Variants in BLOC1S3 observed in about 807,000 individuals in gnomAD.
BLOC1S3 encodes the protein biogenesis of lysosome-related organelles complex 1 subunit 3.
BLOC1S3 carries 7 observed loss-of-function variants against 9.1 expected under a neutral mutation model. That is an observed-to-expected ratio of 0.77 (90% CI 0.44 to 1.45). The LOEUF is 1.45. Ranked by LOEUF, BLOC1S3 falls within the 40% of genes most tolerant of loss-of-function variation. BLOC1S3 has a pLI of 0.01. For synonymous variants in BLOC1S3, 145 were observed against 158.4 expected, an observed-to-expected ratio of 0.92 and a Z score of 0.64; for missense variants, 307 against 315.2, an observed-to-expected ratio of 0.97 and a Z score of 0.20.
downstream of BLOC1S3, among the ~76,000 whole-genome samples, chr19:45,182,082 G>A (rs372450959): frequency 1.5e-3 from 231 of 152,288 alleles, 1 homozygote; most frequent in African/African-American, 5.1e-3. Flanking sequence ...ACAGTAATAA[G>A]ATGTTCTCAT....
downstream of BLOC1S3, among the ~76,000 whole-genome samples, chr19:45,186,758 C>T (rs1969569007): frequency 6.6e-6 from 1 of 152,148 alleles, no homozygotes; most frequent in Non-Finnish European, 1.5e-5. Context: ...CCACCACACC[C>T]AGCCTCAACA....
At chr19:45,183,133 G>C (rs574315189), downstream of BLOC1S3, among the ~76,000 whole-genome samples, 3 of 152,162 alleles carry the variant, frequency 2.0e-5, no homozygotes, top group Admixed American at 2.0e-4. Flanking sequence ...TGTGGGGCAG[G>C]GGGGTGCTGA....
At chr19:45,192,858 G>T (rs574538852) in intron 2 of BLOC1S3, among the ~76,000 whole-genome samples, 4 of 152,178 alleles carry the variant, frequency 2.6e-5, no homozygotes, top group Non-Finnish European at 5.9e-5. Flanking sequence ...TTCAAGCCAG[G>T]CGTGGTGGCT....
chr19:45,183,623 CT>C (rs57651816), downstream of BLOC1S3, among the ~76,000 whole-genome samples: 1,762 of 105,036 alleles, frequency 0.017, 10 homozygotes, highest in African/African-American at 0.037. Flanking sequence ...CTTTTCTTTT[CT>C]TTTTTTTTTT....
intron 3 of BLOC1S3, among the ~76,000 whole-genome samples, chr19:45,210,662 G>A (rs939912182): frequency 1.3e-5 from 2 of 151,690 alleles, no homozygotes; most frequent in Admixed American, 6.6e-5. Context: ...ACAACGCAGA[G>A]GCACAATCAC....
At chr19:45,215,876 T>TGGCGGC (rs1439834699) in intron 3 of BLOC1S3, among the ~76,000 whole-genome samples, 1 of 152,060 alleles carries the variant, frequency 6.6e-6, no homozygotes, top group Admixed American at 6.5e-5. Flanking sequence ...CTGGTGGCGG[T>TGGCGGC]GGCGGCGGAG....
chr19:45,213,451 C>T (rs561442660), intron 3 of BLOC1S3: 2 of 1,497,340 alleles, frequency 1.3e-6, no homozygotes, highest in African/African-American at 1.4e-5. Flanking sequence ...CCTCACCTAT[C>T]CCAGAAATTG....
At position 45,189,691 on chromosome 19, in the gene BLOC1S3, C is replaced by T. The variant is rs186091857; in HGVS notation, n.180+1951C>T. 3.2e-3 allele frequency among the ~76,000 whole-genome samples: 482 copies of T among 151,800 alleles called. 4 individuals are homozygous for T. The highest frequency in any genetic ancestry group is 0.011 in the African/African-American group (448 of 41,392). Reference sequence around the variant, plus strand: ...AACTCCCGATCTCAGGTGATCCGCCCGCCCAAAGTGTTGGGATTACAGGCG... The same window carrying T: ...AACTCCCGATCTCAGGTGATCCGCCTGCCCAAAGTGTTGGGATTACAGGCG... On this transcript the variant is annotated intron_variant and non_coding_transcript_variant, in intron 2 of 3. Transcript: ENST00000591569.
chr19:45,205,794 C>G (rs915614765), intron 3 of BLOC1S3, among the ~76,000 whole-genome samples: 2 of 152,050 alleles, frequency 1.3e-5, no homozygotes, highest in African/African-American at 4.8e-5. Context: ...AAGTCAATAG[C>G]TAGAAAACAA....
Position 45,181,254 on chromosome 19 carries a change from G to A in BLOC1S3, c.*1349G>A, listed in dbSNP as rs1052414452. ...TCCTGGGGTCTGGGGACTCCCCATG[G>A]TTTCCTTCCTTCTGCAGGCCCAAAA... On this transcript the variant is annotated 3_prime_UTR_variant, in exon 2 of 2. Coordinates refer to ENST00000433642, the MANE Select transcript of BLOC1S3 (RefSeq NM_212550.5). The A allele has an allele frequency of 1.1e-4, 18 of 167,162 alleles. No homozygotes were observed. Among genetic ancestry groups the A allele is most frequent in the African/African-American group, 3.9e-4 (16 of 41,426 alleles). The allele number at this position is 167,162 out of a possible 1,614,324, so 10.4% of individuals were successfully genotyped here.
intron 2 of BLOC1S3, among the ~76,000 whole-genome samples, chr19:45,190,183 T>C: frequency 6.6e-6 from 1 of 151,654 alleles, no homozygotes; most frequent in East Asian, 1.9e-4. Context: ...TTAATTCTGC[T>C]GGTGAGAGAC....
chr19:45,203,766 C>T (rs923164547), intron 3 of BLOC1S3, among the ~76,000 whole-genome samples: 11 of 152,086 alleles, frequency 7.2e-5, no homozygotes, highest in African/African-American at 2.7e-4. Flanking sequence ...CAATGCAAAG[C>T]CTCAAATCAG....
chr19:45,215,922 T>A (rs1385942985), intron 3 of BLOC1S3: 17 of 1,112,294 alleles, frequency 1.5e-5, no homozygotes, highest in Non-Finnish European at 2.1e-5. Flanking sequence ...GGAAATCTTA[T>A]TAATAATGCC....
intron 3 of BLOC1S3, among the ~76,000 whole-genome samples, chr19:45,208,806 G>T (rs1969746702): frequency 6.7e-6 from 1 of 149,766 alleles, no homozygotes; most frequent in Non-Finnish European, 1.5e-5. Flanking sequence ...TAACCCAGAA[G>T]TCGAAGAAGA....
chr19:45,191,987 C>T (rs1374023901), intron 2 of BLOC1S3, among the ~76,000 whole-genome samples: 1 of 152,202 alleles, frequency 6.6e-6, no homozygotes, highest in Non-Finnish European at 1.5e-5. Context: ...GCAAATCCAG[C>T]CAGGCTTGTG....
chr19:45,193,139 A>C (rs1969619798), intron 2 of BLOC1S3, among the ~76,000 whole-genome samples: 1 of 126,882 alleles, frequency 7.9e-6, no homozygotes, highest in Non-Finnish European at 1.5e-5. Flanking sequence ...TCTCAAAAAA[A>C]AAAAAAAAAA....
intron 2 of BLOC1S3, among the ~76,000 whole-genome samples, chr19:45,196,701 G>C (rs538778908): frequency 1.2e-4 from 18 of 151,968 alleles, no homozygotes; most frequent in African/African-American, 3.9e-4. Flanking sequence ...GACCATCCTG[G>C]CTAACACGGT....
rs1969521448 is a variant in BLOC1S3, at chr19:45,181,517, A to C, written c.*1612A>C. 1 of 167,088 alleles carries C rather than the reference A, an allele frequency of 6.0e-6. No individual in the cohort carries two copies. The highest frequency in any genetic ancestry group is 2.4e-5 in the African/African-American group (1 of 41,448). 10.4% of individuals were successfully genotyped at this position (167,088 alleles called of 1,614,324 possible). ...TGACAGCACTTTGCAGATAAGAACG[A>C]TATGATGTGTGGATTTCACTACATT... is the stretch of plus-strand genomic sequence containing the variant. On this transcript the variant is annotated 3_prime_UTR_variant, in exon 2 of 2. Transcript: ENST00000433642.
Position 45,179,774 on chromosome 19 carries a change from G to A in BLOC1S3, c.478G>A (p.Val160Met), listed in dbSNP as rs201502372. The change falls in exon 2 of 2, where the codon GTG becomes ATG. Residue 160 changes from valine (V) to methionine (M), a missense_variant. Transcript: ENST00000433642. This position sits in a 1 kb window ranked among gnomAD's most constrained non-coding sequence, Gnocchi z 4.6. ...GGCGGGGCTGGCGGCGGCCCACAGC[G>A]TGCGCCTGGCGCGCGGGGACCTTTG... ...QAAGLAAAHS[V>M]RLARGDLCAL... 1 of 1,544,002 alleles carries A rather than the reference G, an allele frequency of 6.5e-7. No individual in the cohort carries two copies. The highest frequency in any genetic ancestry group is 8.7e-7 in the Non-Finnish European group (1 of 1,152,228).
Sources: gnomAD v4.1 joint callset for allele counts (sites outside exome capture counted in the v4.1 genomes callset) on GRCh38, gnomAD v4.1.1 for gene constraint, Gnocchi (gnomAD v3.1) non-coding constraint, MANE v1.5 for transcripts, NCBI Gene and HGNC (gene_info 2026-07-23, HGNC 2026-07-21) for gene names.